The following VAC14 variants were observed in gnomAD, a reference collection of about 807,000 sequenced individuals.
The protein encoded by VAC14 is VAC14 component of PIKFYVE complex, also known as protein VAC14 homolog.
In VAC14, 47 loss-of-function variants were observed where a neutral mutation model predicts 85.3. That is an observed-to-expected ratio of 0.55 (90% confidence interval 0.44 to 0.70). The LOEUF is 0.70. VAC14 is among the 30% of genes least tolerant of loss of function. The pLI is 0.00. For synonymous variants in VAC14, 447 were observed against 430.5 expected, an observed-to-expected ratio of 1.04 and a Z score of -0.47; for missense variants, 861 against 1,004.3, an observed-to-expected ratio of 0.86 and a Z score of 1.93.
chr16:70,704,554 G>A (rs1359124287), intron 14 of VAC14, among the ~76,000 whole-genome samples: 1 of 152,232 alleles, frequency 6.6e-6, no homozygotes. Context: ...CTGTCTGAGG[G>A]TGCAGCTGGC....
intron 14 of VAC14, among the ~76,000 whole-genome samples, chr16:70,728,624 G>A (rs571625436): frequency 9.8e-5 from 15 of 152,322 alleles, no homozygotes; most frequent in African/African-American, 3.4e-4. Context: ...CATGCCCATG[G>A]GGCCTGCACT....
Position 70,710,066 on chromosome 16 carries a change from G to A in VAC14, c.1662-11255C>T, listed in dbSNP as rs541990880. 3.1e-4 allele frequency among the ~76,000 whole-genome samples: 47 copies of A among 152,312 alleles called. 1 individual carries two copies. Among genetic ancestry groups the A allele is most frequent in the Non-Finnish European group, 8.8e-5 (6 of 68,018 alleles). ...CGAGGAGGCCGCCACCGCCTGGCAC[G>A]CTGCTTCCTGGCCCTGCCTGCCCTT... On this transcript the variant is annotated intron_variant, in intron 14 of 18. Transcript: ENST00000261776.
In VAC14 at chr16:70,781,058, G is replaced by T. The variant is rs188449002; in HGVS notation, c.947-119C>A. 83 of 1,415,250 alleles carry T rather than the reference G, an allele frequency of 5.9e-5. No individual in the cohort carries two copies. In the East Asian group the frequency reaches 1.9e-3, roughly 33 times the overall value. 87.7% of individuals were successfully genotyped at this position (1,415,250 alleles called of 1,614,324 possible). ...CCTGGTGGGAGGGGTTTCGGTCATG[G>T]GGGTGGATCCCTCACAAATGGCTTG... On this transcript the variant is annotated intron_variant, in intron 8 of 18. Transcript: ENST00000261776.
intron 1 of VAC14, among the ~76,000 whole-genome samples, chr16:70,797,625 T>G (rs2034600269): frequency 6.6e-6 from 1 of 152,212 alleles, no homozygotes; most frequent in Non-Finnish European, 1.5e-5. Context: ...TGATATGGTT[T>G]GGATCTGTGT....
At chr16:70,763,127 C>CTGCT in intron 10 of VAC14, 102 bp from the exon 11 acceptor site, 2 of 1,526,800 alleles carry the variant, frequency 1.3e-6, no homozygotes, top group Non-Finnish European at 1.8e-6. Flanking sequence ...GAGTCACACA[C>CTGCT]TGCTAACCAC....
chr16:70,716,279 A>G (rs79829970), intron 14 of VAC14: 6,093 of 152,328 alleles, frequency 0.04, 175 homozygotes, highest in Non-Finnish European at 0.062. Flanking sequence ...CACAGCTGGC[A>G]TGGGGCCTGG....
At chr16:70,785,309 C>T (rs558382494) in intron 3 of VAC14, among the ~76,000 whole-genome samples, 34 of 152,282 alleles carry the variant, frequency 2.2e-4, no homozygotes, top group African/African-American at 7.5e-4. Flanking sequence ...GCAAGAGGCA[C>T]GGAGGAGAGC....
In VAC14 at chr16:70,780,777, G is replaced by A. The variant is rs775038394; in HGVS notation, c.1096+13C>T. 10 of 1,578,046 alleles carry A rather than the reference G, an allele frequency of 6.3e-6. No individual in the cohort carries two copies. Among genetic ancestry groups the A allele is most frequent in the East Asian group, 4.5e-5 (2 of 44,472 alleles). ...CCGACAGGAGGTGAGGTGTAGGGACGGAGTCCACTCACCACTGGCTGTGCC... is the reference window on the plus strand; with the variant it reads ...CCGACAGGAGGTGAGGTGTAGGGACAGAGTCCACTCACCACTGGCTGTGCC... On this transcript the variant is annotated intron_variant, in intron 9 of 18. Coordinates refer to ENST00000261776, the MANE Select transcript of VAC14 (RefSeq NM_018052.5).
chr16:70,712,927 T>A (rs2054066630), intron 14 of VAC14, among the ~76,000 whole-genome samples: 1 of 152,128 alleles, frequency 6.6e-6, no homozygotes, highest in South Asian at 2.1e-4. Context: ...AGGGCATGGG[T>A]GCTCCAGCCT....
chr16:70,704,478 C>T (rs907977218), intron 14 of VAC14, among the ~76,000 whole-genome samples: 1 of 152,240 alleles, frequency 6.6e-6, no homozygotes, highest in African/African-American at 2.4e-5. Context: ...GGGGGCTTTA[C>T]CCCCCAACAC....
chr16:70,761,254 G>T, intron 12 of VAC14: 1 of 451,024 alleles, frequency 2.2e-6, no homozygotes, highest in Non-Finnish European at 4.4e-6. Flanking sequence ...ACTCCATGGG[G>T]ACTGGTGAGC....
chr16:70,787,192 A>G (rs543071429), intron 1 of VAC14, among the ~76,000 whole-genome samples: 1 of 152,296 alleles, frequency 6.6e-6, no homozygotes, highest in East Asian at 1.9e-4. Context: ...TGGGGCAGGC[A>G]TGGGTTTGAC....
chr16:70,776,899 C>T (rs7199602), intron 9 of VAC14, among the ~76,000 whole-genome samples: 6,416 of 150,012 alleles, frequency 0.043, 458 homozygotes, highest in African/African-American at 0.15. Context: ...CCTCTGCCTT[C>T]CAGGTTCAAG....
At chr16:70,709,565 G>T (rs2053986453) in intron 14 of VAC14, among the ~76,000 whole-genome samples, 1 of 152,222 alleles carries the variant, frequency 6.6e-6, no homozygotes, top group Admixed American at 6.5e-5. Context: ...ACCCTCCTAG[G>T]GCAATGGTTT....
intron 14 of VAC14, among the ~76,000 whole-genome samples, chr16:70,710,188 T>C (rs970118981): frequency 1.3e-5 from 2 of 152,132 alleles, no homozygotes; most frequent in Non-Finnish European, 2.9e-5. Context: ...AGAACTTGGG[T>C]TTCTGACCTG....
chr16:70,689,130 A>T (rs913672335), intron 18 of VAC14: 222 of 979,228 alleles, frequency 2.3e-4, no homozygotes, highest in Non-Finnish European at 2.5e-4. Flanking sequence ...CCCAACCATA[A>T]CTCCACCGCT....
chr16:70,695,452 C>T lies in VAC14; in HGVS notation c.2035+92G>A, dbSNP rs1017636257. 4.4e-6 allele frequency: 6 copies of T among 1,371,980 alleles called. No individual in the cohort carries two copies. In the African/African-American group the frequency reaches 5.7e-5, roughly 13 times the overall value. 85.0% of individuals were successfully genotyped at this position (1,371,980 alleles called of 1,614,324 possible). On this transcript the variant is annotated intron_variant, in intron 17 of 18. Coordinates refer to ENST00000261776, the MANE Select transcript of VAC14 (RefSeq NM_018052.5). ...TGACTGCTCTTCCTCCCTCCCCAGC[C>T]AAAAGAGACCAACTGGAGCTTGACT...
intron 13 of VAC14, among the ~76,000 whole-genome samples, chr16:70,739,784 G>A (rs1395789539): frequency 6.6e-6 from 1 of 152,210 alleles, no homozygotes; most frequent in Non-Finnish European, 1.5e-5. Flanking sequence ...CTTTCTGCTA[G>A]AACTTGTTTC....
chr16:70,728,261 C>T (rs999459466), intron 14 of VAC14, among the ~76,000 whole-genome samples: 37 of 152,082 alleles, frequency 2.4e-4, no homozygotes, highest in African/African-American at 7.7e-4. Flanking sequence ...TGGCCCAGCT[C>T]CTGAGCACGC....
Sources: gnomAD v4.1 joint callset for allele counts (sites outside exome capture counted in the v4.1 genomes callset) on GRCh38, gnomAD v4.1.1 for gene constraint, MANE v1.5 for transcripts, NCBI Gene and HGNC (gene_info 2026-07-23, HGNC 2026-07-21) for gene names.